AKR7A2: variants seen among roughly 807,000 people sequenced by gnomAD.
AKR7A2 encodes aflatoxin B1 aldehyde reductase member 2.
AKR7A2 carries 29 observed loss-of-function variants against 37.3 expected under a neutral mutation model. The ratio of observed to expected loss-of-function variants is 0.78; its 90% CI spans 0.58 to 1.06. AKR7A2 has a LOEUF of 1.06. AKR7A2 is among the 50% of genes least tolerant of loss of function. The pLI is 0.00. For missense variants in AKR7A2, 529 were observed against 497.9 expected (o/e 1.06, Z -0.59); for synonymous variants, 228 against 217.8 (o/e 1.05, Z -0.41).
chr1:19,304,494 A>G lies in AKR7A2; in HGVS notation c.919-108T>C, dbSNP rs888406070. On this transcript the variant is annotated intron_variant, in intron 6 of 6. Coordinates refer to ENST00000235835, the MANE Select transcript of AKR7A2 (RefSeq NM_003689.4). ...AGATCTGGGGTCTCTGTTTATATTTATATCTTGTATGTCCAGAAAGGACTT... is the reference window on the plus strand; with the variant it reads ...AGATCTGGGGTCTCTGTTTATATTTGTATCTTGTATGTCCAGAAAGGACTT... 43 of 1,586,866 alleles carry G rather than the reference A, an allele frequency of 2.7e-5. 1 individual carries two copies. Among genetic ancestry groups the G allele is most frequent in the South Asian group, 2.0e-4 (18 of 90,452 alleles).
At chr1:19,305,404 C>T (rs1400133826) in intron 6 of AKR7A2, among the ~76,000 whole-genome samples, 1 of 152,120 alleles carries the variant, frequency 6.6e-6, no homozygotes, top group South Asian at 2.1e-4. Context: ...GTGGTGTAAT[C>T]TCAGCTCACT....
chr1:19,303,804 G>A (rs948847370), downstream of AKR7A2, among the ~76,000 whole-genome samples: 2 of 152,156 alleles, frequency 1.3e-5, no homozygotes, highest in African/African-American at 2.4e-5. Context: ...GAGAGGTCAG[G>A]TGGGTATTCA....
rs1263666682 is a variant in AKR7A2, at chr1:19,304,247, T to C, written c.1058A>G (p.Glu353Gly). The change falls in exon 7 of 7, where the codon GAA becomes GGA. Residue 353 changes from glutamate to glycine, a missense_variant. Transcript: ENST00000235835. ...FNQAWHLVAH[E>G]CPNYFR ...GGCCTAGCGGAAGTAGTTGGGACATTCGTGAGCAACCAAATGCCAGGCTTG... is the reference window on the plus strand; with the variant it reads ...GGCCTAGCGGAAGTAGTTGGGACATCCGTGAGCAACCAAATGCCAGGCTTG... 1.2e-6 allele frequency: 2 copies of C among 1,614,116 alleles called. No individual in the cohort carries two copies. The highest frequency in any genetic ancestry group is 8.5e-7 in the Non-Finnish European group (1 of 1,180,002).
chr1:19,306,637 GC>G (rs2093762094), intron 5 of AKR7A2, among the ~76,000 whole-genome samples: 1 of 150,078 alleles, frequency 6.7e-6, no homozygotes, highest in Non-Finnish European at 1.5e-5. Flanking sequence ...AGACCATGTT[GC>G]CCAGGCTGGT....
In AKR7A2 at chr1:19,312,048, C is replaced by T. The variant is rs1429958170; in HGVS notation, c.77G>A (p.Arg26His). The change falls in exon 1 of 7, where the codon CGC (arginine) becomes CAC (histidine). Residue 26 changes from arginine (R) to histidine (H), a missense_variant. Physicochemically the swap from Arg to His is conservative, Grantham distance 29 (BLOSUM62 0). Coordinates refer to ENST00000235835, the MANE Select transcript of AKR7A2 (RefSeq NM_003689.4). ...CALRSPPPEARALAMSRPPPP... is the reference protein window; with the variant it reads ...CALRSPPPEAHALAMSRPPPP... Reference sequence around the variant, plus strand: ...CGGTGGCCGGGACATGGCGAGCGCGCGGGCCTCGGGCGGCGGAGAGCGAAG... The same window carrying T: ...CGGTGGCCGGGACATGGCGAGCGCGTGGGCCTCGGGCGGCGGAGAGCGAAG... 6 of 1,372,046 alleles carry T rather than the reference C, an allele frequency of 4.4e-6. No individual in the cohort carries two copies. Among genetic ancestry groups the T allele is most frequent in the South Asian group, 1.8e-5 (1 of 55,858 alleles). 85.0% of individuals were successfully genotyped at this position (1,372,046 alleles called of 1,614,324 possible).
Position 19,307,120 on chromosome 1 carries a change from C to G in AKR7A2, c.689-19G>C. On this transcript the variant is annotated intron_variant, in intron 4 of 6. Transcript: ENST00000235835. The stretch of plus-strand genomic sequence containing the variant: ...AGGCCCCCTGCGGGAAGGCAGCAAT[C>G]AGCCCCTGGCCCCAGAGTGCCCCAG... The G allele has an allele frequency of 6.2e-7, 1 of 1,613,784 alleles. No individual in the cohort carries two copies. The highest frequency in any genetic ancestry group is 1.7e-5 in the Admixed American group (1 of 60,034).
chr1:19,308,374 T>G, intron 2 of AKR7A2, 81 bp downstream of exon 2: 9 of 1,595,486 alleles, frequency 5.6e-6, no homozygotes, highest in Non-Finnish European at 7.7e-6. Flanking sequence ...GGGACTGCCC[T>G]GGTGCCTCTG....
At chr1:19,308,308 G>C in intron 2 of AKR7A2, 46 bp from the exon 3 acceptor site, 1 of 1,613,140 alleles carries the variant, frequency 6.2e-7, no homozygotes, top group Non-Finnish European at 8.5e-7. Context: ...GCCCAGACCA[G>C]GAAGGGGAGG....
intron 1 of AKR7A2, among the ~76,000 whole-genome samples, chr1:19,308,989 G>A (rs2093767366): frequency 6.6e-6 from 1 of 152,160 alleles, no homozygotes; most frequent in Admixed American, 6.5e-5. Context: ...AGGAGGGAAA[G>A]GCACACGATG....
Position 19,307,856 on chromosome 1 carries a change from A to C in AKR7A2, c.591+302T>G. The stretch of plus-strand genomic sequence containing the variant: ...AAGGCTTCCAGAGGAGGAGACCTCT[A>C]TGTAAGGCCTGAGTGCTTCTCCCAG... On this transcript the variant is annotated intron_variant, in intron 3 of 6. Transcript: ENST00000235835. 5 of 533,300 alleles carry C rather than the reference A, an allele frequency of 9.4e-6. No homozygotes were observed. The South Asian group carries it at 1.0e-4, about 11-fold the overall frequency. The allele number at this position is 533,300 out of a possible 1,614,324, so 33.0% of individuals were successfully genotyped here. A position where few individuals can be genotyped will look rare whatever the true frequency, so the allele number is the denominator to read the frequency against.
At position 19,312,135 on chromosome 1, in the gene AKR7A2, C is replaced by T; in HGVS notation, c.-11G>A. The T allele has an allele frequency of 8.0e-7, 1 of 1,252,940 alleles. No homozygotes were observed. 77.6% of individuals were successfully genotyped at this position (1,252,940 alleles called of 1,614,324 possible). On this transcript the variant is annotated 5_prime_UTR_variant, in exon 1 of 7. Transcript: ENST00000235835. ...CGCGGCACTCAGCATAGCAGCGGCGCCTGCGCGTTGGGAGCCGGGGGCCCC... is the reference window on the plus strand; with the variant it reads ...CGCGGCACTCAGCATAGCAGCGGCGTCTGCGCGTTGGGAGCCGGGGGCCCC...
At chr1:19,309,046 G>A (rs1195428535) in intron 1 of AKR7A2, among the ~76,000 whole-genome samples, 1 of 152,152 alleles carries the variant, frequency 6.6e-6, no homozygotes, top group African/African-American at 2.4e-5. Context: ...GAGACTCCAG[G>A]GAAGGCTTTC....
rs1201441569 is a variant in AKR7A2 at position 19,304,134 on chromosome 1, C to T, written c.*91G>A. 3 of 1,596,626 alleles carry T rather than the reference C, an allele frequency of 1.9e-6. No individual in the cohort carries two copies. The highest frequency in any genetic ancestry group is 2.6e-6 in the Non-Finnish European group (3 of 1,164,668). On this transcript the variant is annotated 3_prime_UTR_variant, in exon 7 of 7. Transcript: ENST00000235835. ...ATGGATCTAGACAATTCAGAAAAAC[C>T]CTTCTAAGTCAGCTTAAGGCCAAGA...
At chr1:19,303,018 A>G (rs1266106258), downstream of AKR7A2, among the ~76,000 whole-genome samples, 2 of 152,178 alleles carry the variant, frequency 1.3e-5, no homozygotes, top group African/African-American at 4.8e-5. Context: ...CAAGCAACTT[A>G]TTAGTGTGGT....
At chr1:19,307,903 G>A in intron 3 of AKR7A2, 1 of 591,140 alleles carries the variant, frequency 1.7e-6, no homozygotes, top group Non-Finnish European at 3.0e-6. Flanking sequence ...GGGGAAATGT[G>A]TTCCAGGCTG....
intron 3 of AKR7A2, 86 bp from the exon 4 acceptor site, chr1:19,307,496 C>T: frequency 1.4e-6 from 2 of 1,385,070 alleles, no homozygotes; most frequent in African/African-American, 2.9e-5. Context: ...TAAAGCAACA[C>T]CGGCCCAGGA....
In AKR7A2 at chr1:19,307,848, A is replaced by G. The variant is rs149986887; in HGVS notation, c.591+310T>C. 1.0e-3 allele frequency: 549 copies of G among 529,796 alleles called. 7 individuals are homozygous for G. The highest frequency in any genetic ancestry group is 9.4e-3 in the African/African-American group (491 of 52,486). The allele number at this position is 529,796 out of a possible 1,614,324, so 32.8% of individuals were successfully genotyped here. On this transcript the variant is annotated intron_variant, in intron 3 of 6. Transcript: ENST00000235835. ...TGTCTAGAAAGGCTTCCAGAGGAGGAGACCTCTATGTAAGGCCTGAGTGCT... is the reference window on the plus strand; with the variant it reads ...TGTCTAGAAAGGCTTCCAGAGGAGGGGACCTCTATGTAAGGCCTGAGTGCT...
chr1:19,309,333 G>A (rs1292970016), intron 1 of AKR7A2, among the ~76,000 whole-genome samples: 2 of 152,188 alleles, frequency 1.3e-5, no homozygotes, highest in African/African-American at 4.8e-5. Flanking sequence ...CCGGTCACCT[G>A]TGTTCACACT....
chr1:19,305,492 C>CACA (rs1161425440), intron 6 of AKR7A2, among the ~76,000 whole-genome samples: 19 of 152,302 alleles, frequency 1.2e-4, no homozygotes, highest in African/African-American at 4.3e-4. Context: ...AGCAAGCCAT[C>CACA]ACAACCTGGC....
Sources: gnomAD v4.1 joint callset for allele counts (sites outside exome capture counted in the v4.1 genomes callset) on GRCh38, gnomAD v4.1.1 for gene constraint, MANE v1.5 for transcripts, NCBI Gene and HGNC (gene_info 2026-07-23, HGNC 2026-07-21) for gene names.